ABTB2: variants seen among roughly 807,000 people sequenced by gnomAD.
ABTB2 encodes ankyrin repeat and BTB/POZ domain-containing protein 2.
A neutral mutation model predicts 104.1 loss-of-function variants in ABTB2; 56 were observed. That is an observed-to-expected ratio of 0.54 (90% CI 0.43 to 0.67). ABTB2 has a LOEUF of 0.67. Ranked by LOEUF, ABTB2 falls within the 30% of genes least tolerant of loss-of-function variation. ABTB2 has a pLI of 0.00. For missense variants in ABTB2, 1,279 were observed against 1,407.7 expected, an observed-to-expected ratio of 0.91 and a Z score of 1.46; for synonymous variants, 606 against 608.2, an observed-to-expected ratio of 1.00 and a Z score of 0.05.
chr11:34,314,082 A>G (rs1854893686), intron 1 of ABTB2, among the ~76,000 whole-genome samples: 1 of 152,152 alleles, frequency 6.6e-6, no homozygotes, highest in Admixed American at 6.5e-5. Context: ...AGCAAAGGAG[A>G]GGGGCTAATG....
chr11:34,164,694 G>C lies in ABTB2; in HGVS notation c.1980C>G (p.His660Gln), dbSNP rs765493051. Reference sequence around the variant, plus strand: ...GAATCCCGGGCAGGTACCTGTGGCCGTGGGCAGCTGAGTGGCTGAAGCAGT... The same window carrying C: ...GAATCCCGGGCAGGTACCTGTGGCCCTGGGCAGCTGAGTGGCTGAAGCAGT... ...DMNCFSHSAA[H>Q]GHRNVLRKLL... Residue 660 changes from histidine (H) to glutamine (Q), a missense_variant, in exon 9 of 17, where the codon CAC (histidine) becomes CAG (glutamine). By Grantham distance (24) the His-to-Gln change is conservative (BLOSUM62 0). Transcript: ENST00000435224. 2.0e-6 allele frequency: 3 copies of C among 1,513,978 alleles called. No homozygotes were observed. The Admixed American group carries it at 7.8e-5, about 39-fold the overall frequency. 93.8% of individuals were successfully genotyped at this position (1,513,978 alleles called of 1,614,324 possible).
At chr11:34,335,082 C>A in intron 1 of ABTB2, 2 of 964,280 alleles carry the variant, frequency 2.1e-6, no homozygotes, top group Non-Finnish European at 1.7e-6. Flanking sequence ...ATATTACATA[C>A]AAATAATACA....
At chr11:34,175,979 C>T (rs1852955740) in intron 3 of ABTB2, among the ~76,000 whole-genome samples, 2 of 152,104 alleles carry the variant, frequency 1.3e-5, no homozygotes, top group South Asian at 2.1e-4. Context: ...TCTCTCTCCC[C>T]ACCCCCCCAA....
chr11:34,344,378 T>G (rs549509545), intron 1 of ABTB2, among the ~76,000 whole-genome samples: 22 of 152,340 alleles, frequency 1.4e-4, no homozygotes, highest in African/African-American at 5.1e-4. Context: ...CTCTATTGTC[T>G]GAGTCTCTAT....
chr11:34,209,290 T>G (rs1307191390), intron 1 of ABTB2, among the ~76,000 whole-genome samples: 1 of 151,684 alleles, frequency 6.6e-6, no homozygotes, highest in Non-Finnish European at 1.5e-5. Flanking sequence ...GTTGCAGTGA[T>G]GAGAACGTGC....
At chr11:34,172,395 A>T (rs11032534) in intron 4 of ABTB2, among the ~76,000 whole-genome samples, 4,026 of 26,892 alleles carry the variant, frequency 0.15, 136 homozygotes, top group Non-Finnish European at 0.17. Context: ...AAAAAAAAAA[A>T]ATATATATAT....
chr11:34,323,020 G>T (rs758388811), intron 1 of ABTB2, among the ~76,000 whole-genome samples: 1 of 151,988 alleles, frequency 6.6e-6, no homozygotes, highest in Non-Finnish European at 1.5e-5. Context: ...AGCAATTCTT[G>T]TACCTTAGCT....
intron 1 of ABTB2, among the ~76,000 whole-genome samples, chr11:34,277,046 G>C (rs997880185): frequency 6.6e-6 from 1 of 152,046 alleles, no homozygotes; most frequent in Admixed American, 6.5e-5. Flanking sequence ...GGATTACAGG[G>C]ACCTGCCACC....
chr11:34,320,787 C>T (rs997597072), intron 1 of ABTB2, among the ~76,000 whole-genome samples: 1 of 152,220 alleles, frequency 6.6e-6, no homozygotes, highest in African/African-American at 2.4e-5. Flanking sequence ...GGTTAGCAAG[C>T]AGCACATTCA....
At chr11:34,307,135 C>T (rs207471764) in intron 1 of ABTB2, among the ~76,000 whole-genome samples, 1 of 152,122 alleles carries the variant, frequency 6.6e-6, no homozygotes, top group Non-Finnish European at 1.5e-5. Context: ...TAAGGACAAC[C>T]CAAGTCACCT....
intron 1 of ABTB2, among the ~76,000 whole-genome samples, chr11:34,237,166 G>T (rs1853854978): frequency 6.6e-6 from 1 of 151,424 alleles, no homozygotes; most frequent in Non-Finnish European, 1.5e-5. Flanking sequence ...CTATCAGGTT[G>T]TTATGAAGAT....
intron 14 of ABTB2, among the ~76,000 whole-genome samples, chr11:34,155,639 G>A (rs779134304): frequency 6.6e-6 from 1 of 152,240 alleles, no homozygotes; most frequent in Non-Finnish European, 1.5e-5. Flanking sequence ...GGCTGCAGAG[G>A]CACCAGAGGG....
Position 34,306,236 on chromosome 11 carries a change from A to ATTTTT in ABTB2, c.883+50460_883+50464dup, listed in dbSNP as rs34872949. On this transcript the variant is annotated intron_variant, in intron 1 of 16. Coordinates refer to ENST00000435224, the MANE Select transcript of ABTB2 (RefSeq NM_145804.3). ...TCCCACTAGCTGCCTGGAAAGTTTG[A>ATTTTT]TTTTTTTTTTTTTTTTTTTTTTTTT... 1.3e-3 allele frequency among the ~76,000 whole-genome samples: 90 copies of ATTTTT among 71,974 alleles called. 6 individuals carry two copies. Among genetic ancestry groups the ATTTTT allele is most frequent in the East Asian group, 4.1e-3 (8 of 1,944 alleles). The allele number at this position is 71,974 out of a possible 152,430, so 47.2% of individuals were successfully genotyped here.
intron 1 of ABTB2, among the ~76,000 whole-genome samples, chr11:34,313,882 C>T (rs573644492): frequency 8.7e-4 from 132 of 152,294 alleles, no homozygotes; most frequent in African/African-American, 3.1e-3. Flanking sequence ...AAGCCCTCCC[C>T]ACCGTCCTCA....
At chr11:34,258,224 G>T (rs1269980887) in intron 1 of ABTB2, among the ~76,000 whole-genome samples, 2 of 152,162 alleles carry the variant, frequency 1.3e-5, no homozygotes, top group African/African-American at 4.8e-5. Flanking sequence ...GATCCCAACA[G>T]TTCTCCACTA....
At chr11:34,234,368 G>C (rs540817774) in intron 1 of ABTB2, among the ~76,000 whole-genome samples, 1 of 152,312 alleles carries the variant, frequency 6.6e-6, no homozygotes, top group East Asian at 1.9e-4. Context: ...GGCCTTTCTA[G>C]AGCAGAGGCT....
chr11:34,160,589 A>T (rs1565127575), intron 11 of ABTB2, among the ~76,000 whole-genome samples: 1 of 143,852 alleles, frequency 7.0e-6, no homozygotes, highest in Non-Finnish European at 1.5e-5. Context: ...AGGCAGCGCA[A>T]GTCTAAGTCT....
At chr11:34,205,087 C>T (rs1853393012) in intron 1 of ABTB2, among the ~76,000 whole-genome samples, 2 of 152,210 alleles carry the variant, frequency 1.3e-5, no homozygotes, top group Non-Finnish European at 2.9e-5. Flanking sequence ...TACAGAGTGC[C>T]TGACTCAGCC....
chr11:34,232,706 G>A (rs1853788694), intron 1 of ABTB2, among the ~76,000 whole-genome samples: 1 of 152,054 alleles, frequency 6.6e-6, no homozygotes, highest in Non-Finnish European at 1.5e-5. Flanking sequence ...GGGGCATGGT[G>A]GCTCCCACTT....
Sources: gnomAD v4.1 joint callset for allele counts (sites outside exome capture counted in the v4.1 genomes callset) on GRCh38, gnomAD v4.1.1 for gene constraint, MANE v1.5 for transcripts, NCBI Gene and HGNC (gene_info 2026-07-23, HGNC 2026-07-21) for gene names.